Variants in ANKS1A observed in about 807,000 individuals in gnomAD.
ANKS1A encodes ankyrin repeat and SAM domain-containing protein 1A.
Under a neutral mutation model 120.3 loss-of-function variants are expected in ANKS1A, and 55 were observed. The ratio of observed to expected loss-of-function variants is 0.46; its 90% CI spans 0.37 to 0.57. The LOEUF (loss-of-function observed/expected upper bound fraction) is 0.57. ANKS1A is among the 20% of genes least tolerant of loss of function. ANKS1A has a pLI of 0.00. For synonymous variants in ANKS1A, 590 were observed against 604.7 expected (o/e 0.98, Z 0.36); for missense variants, 1,123 against 1,480.3 (o/e 0.76, Z 3.96).
At chr6:34,960,979 A>AGCTT (rs1770609776) in intron 1 of ANKS1A, among the ~76,000 whole-genome samples, 1 of 152,244 alleles carries the variant, frequency 6.6e-6, no homozygotes, top group Admixed American at 6.5e-5. Context: ...CCAAGCTCCT[A>AGCTT]ACTTAGGTTC....
chr6:34,924,770 T>G (rs1286298952), intron 1 of ANKS1A, among the ~76,000 whole-genome samples: 1 of 152,182 alleles, frequency 6.6e-6, no homozygotes, highest in Non-Finnish European at 1.5e-5. Context: ...TTTGAAATTT[T>G]TTTGAGGCAG....
chr6:35,005,222 A>G (rs979102929), intron 10 of ANKS1A, among the ~76,000 whole-genome samples: 1 of 152,234 alleles, frequency 6.6e-6, no homozygotes, highest in Non-Finnish European at 1.5e-5. Context: ...AATGGTGAAG[A>G]GAAGTATGCT....
chr6:35,079,043 G>A (rs747860867), intron 14 of ANKS1A, among the ~76,000 whole-genome samples: 7 of 152,280 alleles, frequency 4.6e-5, no homozygotes, highest in Middle Eastern at 3.4e-3. Context: ...GCCCCTCCCC[G>A]AGTGGGCTTG....
At chr6:35,053,965 C>A in intron 11 of ANKS1A, 134 bp from the exon 12 acceptor site, 1 of 718,426 alleles carries the variant, frequency 1.4e-6, no homozygotes, top group Non-Finnish European at 2.5e-6. Context: ...GTCCTGATAC[C>A]TTGCAGGCTG....
chr6:34,940,998 T>G (rs964400130), intron 1 of ANKS1A, among the ~76,000 whole-genome samples: 1 of 151,824 alleles, frequency 6.6e-6, no homozygotes, highest in Non-Finnish European at 1.5e-5. Context: ...TAAAAAAAAT[T>G]TTTTTTTTGA....
intron 11 of ANKS1A, among the ~76,000 whole-genome samples, chr6:35,018,723 ATTG>A (rs1374341720): frequency 2.0e-5 from 3 of 151,828 alleles, no homozygotes; most frequent in Admixed American, 2.0e-4. Context: ...CCCAGTGTCT[ATTG>A]TTGTATCTTT....
chr6:34,890,591 G>A (rs1766765232), intron 1 of ANKS1A, among the ~76,000 whole-genome samples: 1 of 152,196 alleles, frequency 6.6e-6, no homozygotes, highest in South Asian at 2.1e-4. Context: ...GGAAACCGAA[G>A]GATGCTGTAA....
Position 35,013,303 on chromosome 6 carries a change from A to G in ANKS1A, c.1424-4170A>G, listed in dbSNP as rs13196637. Among the ~76,000 whole-genome samples the G allele has an allele frequency of 1.3e-4, 20 of 151,404 alleles. No homozygotes were observed. The East Asian group carries it at 3.9e-3, about 29-fold the overall frequency. On this transcript the variant is annotated intron_variant, in intron 10 of 23. Transcript: ENST00000360359. ...GGTGTCTTTATTTTTTTTATTTTTT[A>G]TTTTTTGGTGAGACAAGGTCTCGCT...
At chr6:34,922,924 A>G (rs1194914396) in intron 1 of ANKS1A, among the ~76,000 whole-genome samples, 1 of 151,940 alleles carries the variant, frequency 6.6e-6, no homozygotes, top group African/African-American at 2.4e-5. Flanking sequence ...ATCTCCTGAC[A>G]TTGTGATCCG....
rs1768654508 is a variant in ANKS1A at position 34,925,306 on chromosome 6, C to A, written c.197+35707C>A. Among the ~76,000 whole-genome samples, 3 of 152,212 alleles carry A rather than the reference C, an allele frequency of 2.0e-5. No homozygotes were observed. In the South Asian group the frequency reaches 6.2e-4, roughly 32 times the overall value. Reference sequence around the variant, plus strand: ...CCTTAAGTGGTGTCATTCCTCTCCACAGTCTCTGCCCATAGAATGGCTTTC... The same window carrying A: ...CCTTAAGTGGTGTCATTCCTCTCCAAAGTCTCTGCCCATAGAATGGCTTTC... On this transcript the variant is annotated intron_variant, in intron 1 of 23. Coordinates refer to ENST00000360359, the MANE Select transcript of ANKS1A (RefSeq NM_015245.3).
chr6:35,052,349 G>A (rs1042483259), intron 11 of ANKS1A, among the ~76,000 whole-genome samples: 1 of 151,942 alleles, frequency 6.6e-6, no homozygotes, highest in African/African-American at 2.4e-5. Flanking sequence ...TACTAGGGAG[G>A]CTGAGGTGGG....
In ANKS1A at chr6:35,079,438, C is replaced by T. The variant is rs1284609065; in HGVS notation, c.2284-78C>T. 6 of 1,568,666 alleles carry T rather than the reference C, an allele frequency of 3.8e-6. No individual in the cohort carries two copies. In the African/African-American group the frequency reaches 5.4e-5, roughly 14 times the overall value. ...GCCCCCTGGCCACAGTCTGTGTGAG[C>T]TGGCTGGGTCCATGGTCCTCGGGTC... is the stretch of plus-strand genomic sequence containing the variant. On this transcript the variant is annotated intron_variant, in intron 14 of 23. Transcript: ENST00000360359.
At chr6:34,896,084 T>G (rs2127443156) in intron 1 of ANKS1A, among the ~76,000 whole-genome samples, 1 of 151,672 alleles carries the variant, frequency 6.6e-6, no homozygotes, top group East Asian at 1.9e-4. Flanking sequence ...TCTTTTTTTT[T>G]TCAGAGACAG....
chr6:34,940,639 A>G (rs1581723108), intron 1 of ANKS1A, among the ~76,000 whole-genome samples: 1 of 152,170 alleles, frequency 6.6e-6, no homozygotes, highest in East Asian at 1.9e-4. Context: ...TTATTAAAAT[A>G]TTGGCTCACA....
rs1777864987 is a variant in ANKS1A at position 35,084,558 on chromosome 6, G to A, written c.3132+300G>A. Among the ~76,000 whole-genome samples, 1 of 151,368 alleles carries A rather than the reference G, an allele frequency of 6.6e-6. No homozygotes were observed. Among genetic ancestry groups the A allele is most frequent in the Admixed American group, 6.6e-5 (1 of 15,234 alleles). ...GCCCAGGCTTGCCTTGCACTCCTGG[G>A]TTCAGGCAAGTTACCCACCTCAGCC... On this transcript the variant is annotated intron_variant, in intron 21 of 23. Coordinates refer to ENST00000360359, the MANE Select transcript of ANKS1A (RefSeq NM_015245.3). The surrounding 1 kb of genome is among the most constrained non-coding windows in gnomAD (Gnocchi z 4.8).
At chr6:34,921,225 A>G (rs954644855) in intron 1 of ANKS1A, among the ~76,000 whole-genome samples, 2 of 152,258 alleles carry the variant, frequency 1.3e-5, no homozygotes, top group Admixed American at 1.3e-4. Flanking sequence ...AGGATAGCCT[A>G]TGTCAAGACT....
At chr6:34,926,251 G>A (rs1265072705) in intron 1 of ANKS1A, among the ~76,000 whole-genome samples, 3 of 152,104 alleles carry the variant, frequency 2.0e-5, no homozygotes, top group African/African-American at 7.2e-5. Flanking sequence ...CTGTGAGAAG[G>A]GCAGGGCCTG....
chr6:34,901,518 GT>G (rs1392156127), intron 1 of ANKS1A, among the ~76,000 whole-genome samples: 1 of 151,914 alleles, frequency 6.6e-6, no homozygotes, highest in Non-Finnish European at 1.5e-5. Context: ...TTTTTTTGTT[GT>G]TTCTTTTCTG....
intron 1 of ANKS1A, among the ~76,000 whole-genome samples, chr6:34,938,753 G>A (rs1205282184): frequency 2.6e-5 from 4 of 152,330 alleles, no homozygotes; most frequent in Middle Eastern, 6.8e-3. Context: ...ACTTTGGGAG[G>A]CCAAGGCAGG....
Sources: allele counts gnomAD v4.1 joint callset (sites outside exome capture counted in the v4.1 genomes callset), GRCh38; gene constraint gnomAD v4.1.1; non-coding constraint Gnocchi (gnomAD v3.1); transcripts MANE v1.5; gene names NCBI Gene and HGNC (gene_info 2026-07-23, HGNC 2026-07-21).